The following MAML3 variants were observed in gnomAD, a reference collection of about 807,000 sequenced individuals.
The protein encoded by MAML3 is mastermind like transcriptional coactivator 3.
MAML3 carries 27 observed loss-of-function variants against 101.9 expected under a neutral mutation model. The observed-to-expected ratio is 0.27, with a 90% confidence interval of 0.20 to 0.37. MAML3 has a LOEUF of 0.37. Ranked by LOEUF, MAML3 falls within the 10% of genes least tolerant of loss-of-function variation. MAML3 has a pLI of 1.00. For synonymous variants in MAML3, 501 were observed against 555.9 expected (o/e 0.90, Z 1.39); for missense variants, 1,316 against 1,444.9 (o/e 0.91, Z 1.45).
Position 139,868,127 on chromosome 4 carries a change from C to A in MAML3, c.2079+21230G>T, listed in dbSNP as rs186243463. Among the ~76,000 whole-genome samples the A allele has an allele frequency of 2.4e-3, 363 of 152,278 alleles. 1 individual carries two copies. Among genetic ancestry groups the A allele is most frequent in the African/African-American group, 8.2e-3 (340 of 41,558 alleles). On this transcript the variant is annotated intron_variant, in intron 2 of 4. Coordinates refer to ENST00000509479, the MANE Select transcript of MAML3 (RefSeq NM_018717.5). ...GTGTGTATGTATACATGTAAAACAG[C>A]CACACTTTTTAAACTAAAATCCTAC...
chr4:139,782,566 T>C (rs1378159922), intron 2 of MAML3, among the ~76,000 whole-genome samples: 5 of 152,178 alleles, frequency 3.3e-5, no homozygotes, highest in African/African-American at 1.2e-4. Context: ...GAAAAGTGGC[T>C]TTCCCCACTT....
intron 1 of MAML3, among the ~76,000 whole-genome samples, chr4:140,039,260 T>C (rs936336366): frequency 4.6e-5 from 7 of 152,148 alleles, no homozygotes; most frequent in Non-Finnish European, 7.4e-5. Context: ...CACAGAAATT[T>C]CAGGAAGCAT....
At chr4:139,754,224 A>C (rs1729596204) in intron 2 of MAML3, among the ~76,000 whole-genome samples, 1 of 152,254 alleles carries the variant, frequency 6.6e-6, no homozygotes, top group South Asian at 2.1e-4. Flanking sequence ...GTGAGTTTTT[A>C]AATGTAAAAA....
At chr4:140,039,534 C>T (rs80091890) in intron 1 of MAML3, among the ~76,000 whole-genome samples, 2,280 of 152,270 alleles carry the variant, frequency 0.015, 54 homozygotes, top group African/African-American at 0.052. Flanking sequence ...GTCTCCTCTC[C>T]CAGAGGCTTT....
intron 2 of MAML3, among the ~76,000 whole-genome samples, chr4:139,868,859 G>A (rs1380006682): frequency 6.6e-6 from 1 of 152,138 alleles, no homozygotes; most frequent in Non-Finnish European, 1.5e-5. Context: ...CCTTCTCCAC[G>A]AGTGATAGCA....
chr4:139,790,915 C>G (rs1357324504), intron 2 of MAML3, among the ~76,000 whole-genome samples: 1 of 152,120 alleles, frequency 6.6e-6, no homozygotes, highest in African/African-American at 2.4e-5. Flanking sequence ...CAGAAACATA[C>G]AGAAACCTGA....
intron 1 of MAML3, among the ~76,000 whole-genome samples, chr4:140,075,168 T>C (rs1303879548): frequency 2.0e-5 from 3 of 152,168 alleles, no homozygotes; most frequent in African/African-American, 7.2e-5. Context: ...TAGTGCCAAT[T>C]TATCCATAAG....
intron 1 of MAML3, among the ~76,000 whole-genome samples, chr4:139,946,939 T>A (rs1333337299): frequency 5.3e-5 from 8 of 151,396 alleles, no homozygotes; most frequent in South Asian, 2.1e-4. Flanking sequence ...TCTCTCTCTC[T>A]CTCTCTCTCT....
intron 1 of MAML3, among the ~76,000 whole-genome samples, chr4:139,977,069 G>A (rs1307030838): frequency 6.6e-6 from 1 of 152,160 alleles, no homozygotes; most frequent in East Asian, 1.9e-4. Context: ...CCTTATAAGA[G>A]TTCCTGGTGA....
Position 139,757,180 on chromosome 4 carries a change from C to T in MAML3, c.2080-26513G>A, listed in dbSNP as rs75687001. 3.3e-5 allele frequency among the ~76,000 whole-genome samples: 5 copies of T among 152,294 alleles called. No individual in the cohort carries two copies. In the East Asian group the frequency reaches 9.7e-4, roughly 29 times the overall value. ...GAATCAGGGCGTTTTACCTCCTCCACAGCACCCTACTTGGCATTTCATTGG... is the reference window on the plus strand; with the variant it reads ...GAATCAGGGCGTTTTACCTCCTCCATAGCACCCTACTTGGCATTTCATTGG... On this transcript the variant is annotated intron_variant, in intron 2 of 4. Coordinates refer to ENST00000509479, the MANE Select transcript of MAML3 (RefSeq NM_018717.5).
chr4:139,996,668 G>T (rs1464803463), intron 1 of MAML3, among the ~76,000 whole-genome samples: 1 of 132,530 alleles, frequency 7.5e-6, no homozygotes, highest in Non-Finnish European at 1.6e-5. Context: ...CGTTTCTATG[G>T]ACAGTATATA....
chr4:139,772,045 C>T (rs1025936604), intron 2 of MAML3, among the ~76,000 whole-genome samples: 2 of 151,256 alleles, frequency 1.3e-5, no homozygotes, highest in East Asian at 2.0e-4. Flanking sequence ...CCAGACCATC[C>T]TGGCTAACAC....
At chr4:139,825,014 C>T (rs1327332466) in intron 2 of MAML3, among the ~76,000 whole-genome samples, 3 of 152,118 alleles carry the variant, frequency 2.0e-5, no homozygotes, top group Non-Finnish European at 4.4e-5. Context: ...AACCTCAGGG[C>T]AGCCCCTAGG....
At chr4:140,042,627 C>T (rs1483632183) in intron 1 of MAML3, among the ~76,000 whole-genome samples, 1 of 101,056 alleles carries the variant, frequency 9.9e-6, no homozygotes, top group African/African-American at 3.0e-5. Flanking sequence ...GAGAGAGATT[C>T]CATCTCAAAA....
chr4:140,049,884 ATT>A (rs33918608), intron 1 of MAML3, among the ~76,000 whole-genome samples: 10 of 150,622 alleles, frequency 6.6e-5, no homozygotes, highest in African/African-American at 2.2e-4. Context: ...TAATCACAGG[ATT>A]TTTTTTTTTA....
intron 2 of MAML3, among the ~76,000 whole-genome samples, chr4:139,829,375 A>G (rs986562384): frequency 5.3e-5 from 8 of 152,204 alleles, no homozygotes; most frequent in African/African-American, 1.9e-4. Flanking sequence ...AGTGTGGCCA[A>G]AGCATTCCAA....
intron 2 of MAML3, among the ~76,000 whole-genome samples, chr4:139,839,270 C>T (rs1731318245): frequency 6.6e-6 from 1 of 152,148 alleles, no homozygotes; most frequent in South Asian, 2.1e-4. Context: ...CATCAAAAGT[C>T]CATTGCTGTC....
At chr4:140,034,374 G>T (rs758762193) in intron 1 of MAML3, among the ~76,000 whole-genome samples, 9 of 152,206 alleles carry the variant, frequency 5.9e-5, no homozygotes, top group Non-Finnish European at 8.8e-5. Flanking sequence ...ATAAACCATT[G>T]AAGTTTTGAT....
intron 1 of MAML3, among the ~76,000 whole-genome samples, chr4:140,087,568 C>T (rs975160307): frequency 6.6e-6 from 1 of 152,214 alleles, no homozygotes; most frequent in Admixed American, 6.5e-5. Context: ...AGAAACATCA[C>T]CAAAGTGTAA....
Sources: gnomAD v4.1 joint callset for allele counts (sites outside exome capture counted in the v4.1 genomes callset) on GRCh38, gnomAD v4.1.1 for gene constraint, MANE v1.5 for transcripts, NCBI Gene and HGNC (gene_info 2026-07-23, HGNC 2026-07-21) for gene names.